RBFOX1: variants seen among roughly 807,000 people sequenced by gnomAD.
RBFOX1 encodes RNA binding protein fox-1 homolog 1.
Under a neutral mutation model 57.7 loss-of-function variants are expected in RBFOX1, and 8 were observed. The observed-to-expected ratio is 0.14, with a 90% confidence interval of 0.08 to 0.25. The LOEUF (loss-of-function observed/expected upper bound fraction) is 0.25, where lower values mean the gene tolerates loss of function less well. Among genes scored for constraint, RBFOX1 ranks in the 10% least tolerant of loss-of-function variants. RBFOX1 has a pLI of 1.00. For missense variants in RBFOX1, 611 were observed against 548.5 expected (o/e 1.11, Z -1.14); for synonymous variants, 326 against 222.4 (o/e 1.47, Z -4.15).
intron 4 of RBFOX1, among the ~76,000 whole-genome samples, chr16:7,188,761 A>C (rs1272257094): frequency 6.6e-6 from 1 of 152,212 alleles, no homozygotes. Context: ...TGTAATTGTC[A>C]AAAGTAAGAC....
intron 2 of RBFOX1, among the ~76,000 whole-genome samples, chr16:6,493,079 A>G (rs558092411): frequency 6.6e-6 from 1 of 152,286 alleles, no homozygotes; most frequent in East Asian, 1.9e-4. Flanking sequence ...ATTTAAGAGA[A>G]AAGCCTCCAT....
At chr16:7,068,235 G>GA (rs991319953) in intron 4 of RBFOX1, among the ~76,000 whole-genome samples, 6 of 152,172 alleles carry the variant, frequency 3.9e-5, no homozygotes, top group African/African-American at 1.4e-4. Flanking sequence ...AGCCAGCCAA[G>GA]ATTGTCGGTC....
At chr16:6,870,305 GC>G (rs2060646736) in intron 3 of RBFOX1, among the ~76,000 whole-genome samples, 1 of 152,044 alleles carries the variant, frequency 6.6e-6, no homozygotes, top group African/African-American at 2.4e-5. Flanking sequence ...TTGTTTGTCA[GC>G]ACTACTGAAA....
intron 2 of RBFOX1, among the ~76,000 whole-genome samples, chr16:6,541,901 C>A (rs1039719530): frequency 6.6e-6 from 1 of 151,976 alleles, no homozygotes; most frequent in Non-Finnish European, 1.5e-5. Flanking sequence ...CTCTGTGCAG[C>A]AGGTAGTGTT....
chr16:6,868,785 A>G (rs184039963), intron 3 of RBFOX1, among the ~76,000 whole-genome samples: 14 of 152,234 alleles, frequency 9.2e-5, no homozygotes, highest in Middle Eastern at 3.4e-3. Flanking sequence ...TTTCTTAAAG[A>G]TAGGTAATAA....
intron 4 of RBFOX1, among the ~76,000 whole-genome samples, chr16:7,098,198 C>G (rs926445919): frequency 7.2e-5 from 11 of 152,174 alleles, no homozygotes; most frequent in Admixed American, 7.2e-4. Flanking sequence ...GAGACAGAGT[C>G]TAGCTCTGTC....
chr16:6,859,187 A>ATATATATG (rs1567593825), intron 3 of RBFOX1, among the ~76,000 whole-genome samples: 1,790 of 62,628 alleles, frequency 0.029, 54 homozygotes, highest in East Asian at 0.043. Flanking sequence ...ATATATATGT[A>ATATATATG]TATATATATG....
chr16:6,132,344 T>C (rs556237513), intron 1 of RBFOX1, among the ~76,000 whole-genome samples: 1 of 152,320 alleles, frequency 6.6e-6, no homozygotes, highest in African/African-American at 2.4e-5. Context: ...TCTTCTAGCA[T>C]AGAATCATGC....
intron 4 of RBFOX1, among the ~76,000 whole-genome samples, chr16:7,495,141 C>T (rs2068195657): frequency 6.6e-6 from 1 of 152,166 alleles, no homozygotes; most frequent in Non-Finnish European, 1.5e-5. Flanking sequence ...GCTGCAAAGA[C>T]ATGATTTCAT....
intron 2 of RBFOX1, among the ~76,000 whole-genome samples, chr16:6,459,293 G>C (rs1032466671): frequency 6.6e-6 from 1 of 152,116 alleles, no homozygotes; most frequent in Admixed American, 6.5e-5. Context: ...CCGAGATGGC[G>C]CCACTGCACT....
At chr16:7,400,567 G>T in intron 4 of RBFOX1, among the ~76,000 whole-genome samples, 1 of 152,110 alleles carries the variant, frequency 6.6e-6, no homozygotes, top group East Asian at 1.9e-4. Flanking sequence ...AACACAGTTT[G>T]TATTACCATC....
chr16:6,608,399 A>G (rs2097979608), intron 2 of RBFOX1, among the ~76,000 whole-genome samples: 1 of 152,192 alleles, frequency 6.6e-6, no homozygotes, highest in African/African-American at 2.4e-5. Flanking sequence ...GTTTATACAC[A>G]TTAGTTTTAC....
At chr16:6,353,053 C>T (rs2086678646) in intron 2 of RBFOX1, among the ~76,000 whole-genome samples, 1 of 152,082 alleles carries the variant, frequency 6.6e-6, no homozygotes, top group African/African-American at 2.4e-5. Context: ...GGAGAAACTG[C>T]TTTGCCTAAG....
At chr16:6,992,602 A>C (rs560050498) in intron 3 of RBFOX1, among the ~76,000 whole-genome samples, 1 of 152,230 alleles carries the variant, frequency 6.6e-6, no homozygotes, top group African/African-American at 2.4e-5. Flanking sequence ...TGTAAAATGC[A>C]CATAAAGGAC....
At chr16:5,419,237 A>G (rs1458093367) in intron 1 of RBFOX1, among the ~76,000 whole-genome samples, 2 of 152,160 alleles carry the variant, frequency 1.3e-5, no homozygotes, top group Non-Finnish European at 2.9e-5. Context: ...TCACACGATC[A>G]CAAGTTGAAG....
At chr16:6,731,229 A>C (rs957355896) in intron 3 of RBFOX1, among the ~76,000 whole-genome samples, 5 of 152,206 alleles carry the variant, frequency 3.3e-5, no homozygotes, top group African/African-American at 1.2e-4. Flanking sequence ...AAATCCAGAT[A>C]CTGAAGGCTA....
At chr16:6,182,178 G>C (rs2152792040) in intron 1 of RBFOX1, among the ~76,000 whole-genome samples, 1 of 152,256 alleles carries the variant, frequency 6.6e-6, no homozygotes, top group East Asian at 1.9e-4. Flanking sequence ...CTCTGGGAAA[G>C]AAAATTGGGA....
At chr16:6,803,039 C>A (rs34179124) in intron 3 of RBFOX1, among the ~76,000 whole-genome samples, 1 of 152,134 alleles carries the variant, frequency 6.6e-6, no homozygotes, top group Non-Finnish European at 1.5e-5. Flanking sequence ...GGGACTTACT[C>A]ATTTCCATTG....
intron 3 of RBFOX1, among the ~76,000 whole-genome samples, chr16:5,729,396 CTTTTTTTTTTT>C (rs71142649): frequency 3.6e-5 from 4 of 111,480 alleles, no homozygotes; most frequent in East Asian, 2.5e-4. Context: ...TTTTTCTTTT[CTTTTTTTTTTT>C]TTTTTTTTGC....
Sources: allele counts gnomAD v4.1 joint callset (sites outside exome capture counted in the v4.1 genomes callset), GRCh38; gene constraint gnomAD v4.1.1; transcripts MANE v1.5; gene names NCBI Gene and HGNC (gene_info 2026-07-23, HGNC 2026-07-21).